The following RAD51B variants were observed in gnomAD, a reference collection of about 807,000 sequenced individuals.
RAD51B encodes the protein DNA repair protein RAD51 homolog 2.
Under a neutral mutation model 42.2 loss-of-function variants are expected in RAD51B, and 38 were observed. The ratio of observed to expected loss-of-function variants is 0.90; its 90% CI spans 0.70 to 1.18. The LOEUF (loss-of-function observed/expected upper bound fraction) is 1.18, where lower values mean the gene tolerates loss of function less well. Ranked by LOEUF, RAD51B falls within the 50% of genes most tolerant of loss-of-function variation. RAD51B has a pLI of 0.00. For synonymous variants in RAD51B, 154 were observed against 145.2 expected (o/e 1.06, Z -0.43); for missense variants, 373 against 400.7 (o/e 0.93, Z 0.59).
intron 8 of RAD51B, among the ~76,000 whole-genome samples, chr14:68,356,154 C>T (rs924412711): frequency 3.3e-5 from 5 of 152,118 alleles, no homozygotes; most frequent in African/African-American, 4.8e-5. Flanking sequence ...TTATGTTGGC[C>T]GGGCGCGGTG....
intron 9 of RAD51B, among the ~76,000 whole-genome samples, chr14:68,441,821 C>T (rs1031078484): frequency 4.6e-5 from 7 of 152,234 alleles, no homozygotes; most frequent in Middle Eastern, 3.4e-3. Context: ...CATGCTATAC[C>T]TCAGTTACTA....
intron 7 of RAD51B, among the ~76,000 whole-genome samples, chr14:68,240,053 C>T (rs1327001403): frequency 6.6e-6 from 1 of 152,242 alleles, no homozygotes; most frequent in Non-Finnish European, 1.5e-5. Flanking sequence ...AAATGTGACA[C>T]TGACACTGTC....
chr14:68,491,901 C>A (rs530690466), intron 10 of RAD51B, among the ~76,000 whole-genome samples: 67 of 152,300 alleles, frequency 4.4e-4, no homozygotes, highest in Non-Finnish European at 6.8e-4. Flanking sequence ...TCAAGTAACG[C>A]TTTTTCACTC....
In RAD51B at chr14:68,238,548, C is replaced by T. The variant is rs111276097; in HGVS notation, c.757-53336C>T. On this transcript the variant is annotated intron_variant, in intron 7 of 10. Transcript: ENST00000471583. Reference sequence around the variant, plus strand: ...TCAAATTCCTGCCCTCAAGCAATCCCCCTTCCTTGGCCTCCCAAAATGCTA... The same window carrying T: ...TCAAATTCCTGCCCTCAAGCAATCCTCCTTCCTTGGCCTCCCAAAATGCTA... 2.7e-3 allele frequency among the ~76,000 whole-genome samples: 417 copies of T among 152,202 alleles called. 1 individual carries two copies. Among genetic ancestry groups the T allele is most frequent in the African/African-American group, 9.5e-3 (396 of 41,524 alleles).
At chr14:68,261,075 T>C (rs912440255) in intron 7 of RAD51B, among the ~76,000 whole-genome samples, 1 of 152,252 alleles carries the variant, frequency 6.6e-6, no homozygotes, top group Non-Finnish European at 1.5e-5. Context: ...TCTCATATCC[T>C]TCAAAGACTT....
rs117789799 is a variant in RAD51B at position 68,466,971 on chromosome 14, A to G, written c.958-1201A>G. Among the ~76,000 whole-genome samples, 89 of 152,338 alleles carry G rather than the reference A, an allele frequency of 5.8e-4. No homozygotes were observed. In the East Asian group the frequency reaches 0.015, roughly 26 times the overall value. On this transcript the variant is annotated intron_variant, in intron 9 of 10. Transcript: ENST00000471583. ...GTTGACAGCAAATATTTGTTGAATT[A>G]AGATAGGCCAAGATATTATATATAA... is the stretch of plus-strand genomic sequence containing the variant.
chr14:68,065,454 C>T (rs2076634993), intron 7 of RAD51B, among the ~76,000 whole-genome samples: 1 of 152,154 alleles, frequency 6.6e-6, no homozygotes, highest in Non-Finnish European at 1.5e-5. Flanking sequence ...GGTTGGCCTA[C>T]CTCTTGGCTT....
intron 8 of RAD51B, among the ~76,000 whole-genome samples, chr14:68,373,825 GT>G (rs1425254206): frequency 2.0e-4 from 30 of 152,282 alleles, no homozygotes; most frequent in Admixed American, 1.6e-3. Context: ...TTCAGTCTTT[GT>G]TTCCAAAGCC....
intron 7 of RAD51B, among the ~76,000 whole-genome samples, chr14:68,130,448 G>A (rs1430823109): frequency 2.0e-5 from 3 of 152,186 alleles, no homozygotes; most frequent in African/African-American, 7.2e-5. Flanking sequence ...AACCAATGTT[G>A]GGGAACAAAC....
At chr14:67,992,765 T>C (rs77824941) in intron 7 of RAD51B, among the ~76,000 whole-genome samples, 2 of 152,160 alleles carry the variant, frequency 1.3e-5, no homozygotes, top group Admixed American at 1.3e-4. Context: ...GTTTTTTTTT[T>C]CTAGGAAGCA....
At chr14:68,232,547 T>C (rs2080169172) in intron 7 of RAD51B, among the ~76,000 whole-genome samples, 1 of 152,194 alleles carries the variant, frequency 6.6e-6, no homozygotes, top group African/African-American at 2.4e-5. Flanking sequence ...CTGAGAATGA[T>C]ATCCATTGGG....
intron 9 of RAD51B, among the ~76,000 whole-genome samples, chr14:68,453,848 T>C (rs1186058078): frequency 6.6e-6 from 1 of 152,188 alleles, no homozygotes; most frequent in Non-Finnish European, 1.5e-5. Context: ...ATTTTATGTT[T>C]TAAATATGAT....
At chr14:68,131,215 T>C (rs1303356493) in intron 7 of RAD51B, among the ~76,000 whole-genome samples, 2 of 152,196 alleles carry the variant, frequency 1.3e-5, no homozygotes, top group Admixed American at 1.3e-4. Context: ...CCTAAAAGGC[T>C]GCAATGTCAC....
chr14:68,265,475 C>T (rs545926307), intron 7 of RAD51B, among the ~76,000 whole-genome samples: 6 of 152,112 alleles, frequency 3.9e-5, no homozygotes, highest in South Asian at 2.1e-4. Flanking sequence ...GTCGGCCAGG[C>T]GCGGTGGCTC....
chr14:68,585,573 G>A (rs1468851160), intron 10 of RAD51B, among the ~76,000 whole-genome samples: 2 of 152,188 alleles, frequency 1.3e-5, no homozygotes, highest in Non-Finnish European at 2.9e-5. Context: ...GGGTAGGGAG[G>A]GGCTGGGGAC....
At chr14:67,982,254 A>G (rs972215647) in intron 7 of RAD51B, among the ~76,000 whole-genome samples, 5 of 152,212 alleles carry the variant, frequency 3.3e-5, no homozygotes, top group African/African-American at 1.2e-4. Flanking sequence ...CACTTTAAAT[A>G]TGTGCAGCTT....
chr14:68,278,967 A>G (rs1331605665), intron 7 of RAD51B, among the ~76,000 whole-genome samples: 1 of 151,836 alleles, frequency 6.6e-6, no homozygotes, highest in Admixed American at 6.6e-5. Context: ...ACAAATGACC[A>G]TTTCATGAGG....
chr14:68,639,358 T>C lies in RAD51B; in HGVS notation c.1037-11423T>C, dbSNP rs148737214. 2.7e-4 allele frequency among the ~76,000 whole-genome samples: 41 copies of C among 152,310 alleles called. No homozygotes were observed. The East Asian group carries it at 3.9e-3, about 14-fold the overall frequency. The stretch of plus-strand genomic sequence containing the variant: ...GTCAGCCTGGAATTGACATTCATGT[T>C]GCCCAGGAGAATATGGAAGACCTGG... On this transcript the variant is annotated intron_variant, in intron 10 of 11. Transcript: ENST00000488612.
chr14:68,421,906 T>G (rs2084710449), intron 9 of RAD51B: 1 of 1,580,660 alleles, frequency 6.3e-7, no homozygotes, highest in Non-Finnish European at 8.7e-7. Context: ...ATGGACAAGA[T>G]GCCAGGACCT....
Sources: allele counts gnomAD v4.1 joint callset (sites outside exome capture counted in the v4.1 genomes callset), GRCh38; gene constraint gnomAD v4.1.1; transcripts MANE v1.5; gene names NCBI Gene and HGNC (gene_info 2026-07-23, HGNC 2026-07-21).